LYRM4: variants seen among roughly 807,000 people sequenced by gnomAD.
LYRM4 encodes the protein LYR motif-containing protein 4.
A neutral mutation model predicts 11.7 loss-of-function variants in LYRM4; 9 were observed. That is an observed-to-expected ratio of 0.77 (90% CI 0.46 to 1.34). The LOEUF is 1.34. LYRM4 is among the 40% of genes most tolerant of loss of function. LYRM4 has a pLI of 0.00. For missense variants in LYRM4, 133 were observed against 112.5 expected (o/e 1.18, Z -0.82); for synonymous variants, 42 against 40.4 (o/e 1.04, Z -0.15).
chr6:5,035,401 G>C, the LYRM4 span, among the ~76,000 whole-genome samples: 3 of 151,424 alleles, frequency 2.0e-5, no homozygotes, highest in African/African-American at 2.4e-5. Context: ...TAGGGCAGCT[G>C]AAAATCTTTT....
At chr6:5,108,251 G>T (rs460111), downstream of LYRM4, 31,492 of 159,364 alleles carry the variant, frequency 0.2, 3,527 homozygotes, top group African/African-American at 0.3. Context: ...GCTATTTATA[G>T]GAGCCTGTTC....
intron 2 of LYRM4, among the ~76,000 whole-genome samples, chr6:5,122,304 T>C (rs1330737237): frequency 6.6e-6 from 1 of 152,086 alleles, no homozygotes; most frequent in African/African-American, 2.4e-5. Flanking sequence ...CTTTGTGGGC[T>C]TCCAGATGGC....
At chr6:5,167,564 C>T (rs1033495817) in intron 2 of LYRM4, among the ~76,000 whole-genome samples, 17 of 152,170 alleles carry the variant, frequency 1.1e-4, no homozygotes, top group South Asian at 2.1e-4. Context: ...GTGCTGGGCA[C>T]GCAACATAAA....
chr6:5,116,655 A>G (rs1236579151), intron 2 of LYRM4, among the ~76,000 whole-genome samples: 1 of 152,178 alleles, frequency 6.6e-6, no homozygotes, highest in Non-Finnish European at 1.5e-5. Context: ...ACATCAGACT[A>G]TTACTGTGCA....
At chr6:5,133,381 A>G (rs9504341) in intron 2 of LYRM4, among the ~76,000 whole-genome samples, 2,124 of 152,366 alleles carry the variant, frequency 0.014, 33 homozygotes, top group South Asian at 0.089. Context: ...TTTAGAATAC[A>G]GAAGCAAACT....
chr6:5,142,285 G>A (rs956400333), intron 2 of LYRM4, among the ~76,000 whole-genome samples: 4 of 152,132 alleles, frequency 2.6e-5, no homozygotes, highest in Non-Finnish European at 5.9e-5. Flanking sequence ...ATGTTGTGAG[G>A]AAGCCCAGGT....
chr6:5,215,246 CT>C (rs1237707554), intron 2 of LYRM4, among the ~76,000 whole-genome samples: 4 of 152,212 alleles, frequency 2.6e-5, no homozygotes, highest in African/African-American at 9.6e-5. Flanking sequence ...CAAAATCTTT[CT>C]GAGTTTATGC....
At chr6:5,069,008 C>T in the LYRM4 span, among the ~76,000 whole-genome samples, 1 of 152,064 alleles carries the variant, frequency 6.6e-6, no homozygotes, top group Non-Finnish European at 1.5e-5. Context: ...GAGACTCAAC[C>T]TAGATCCTCT....
chr6:5,078,588 C>A, the LYRM4 span, among the ~76,000 whole-genome samples: 2 of 152,176 alleles, frequency 1.3e-5, no homozygotes, highest in Admixed American at 6.5e-5. Context: ...TTATTTAAAT[C>A]TCCCTGGCTT....
chr6:5,085,723 T>C, the LYRM4 span: 2 of 1,545,670 alleles, frequency 1.3e-6, no homozygotes, highest in Non-Finnish European at 1.7e-6. Context: ...CCGCCGCCGC[T>C]GCCGCGCGCG....
chr6:5,124,065 G>T lies in LYRM4; in HGVS notation c.208-14574C>A, dbSNP rs973983719. 4.6e-5 allele frequency among the ~76,000 whole-genome samples: 7 copies of T among 152,096 alleles called. 1 individual carries two copies. The East Asian group carries it at 1.4e-3, about 29-fold the overall frequency. ...GCTCTCCCAGGGCCGTGGAGAGGGC[G>T]GGCACACGCTCTCTCTTAGCAAGCT... On this transcript the variant is annotated intron_variant, in intron 2 of 2. Coordinates refer to ENST00000330636, the MANE Select transcript of LYRM4 (RefSeq NM_020408.6).
At chr6:5,075,264 A>G in the LYRM4 span, among the ~76,000 whole-genome samples, 18 of 152,346 alleles carry the variant, frequency 1.2e-4, no homozygotes, top group South Asian at 3.7e-3. Context: ...ACTTTGCTCA[A>G]ACAAAATCCT....
chr6:5,166,608 A>T (rs959287964), intron 2 of LYRM4, among the ~76,000 whole-genome samples: 3 of 152,220 alleles, frequency 2.0e-5, no homozygotes, highest in Non-Finnish European at 4.4e-5. Context: ...AAAATAACCC[A>T]CGTTGGGATG....
chr6:5,221,252 C>T (rs1470552385), intron 1 of LYRM4, among the ~76,000 whole-genome samples: 2 of 152,218 alleles, frequency 1.3e-5, no homozygotes, highest in African/African-American at 4.8e-5. Flanking sequence ...GTAATTGCAT[C>T]TGTCAAAGGT....
intron 2 of LYRM4, among the ~76,000 whole-genome samples, chr6:5,162,085 G>A (rs1034135313): frequency 2.0e-5 from 3 of 152,100 alleles, no homozygotes; most frequent in Non-Finnish European, 4.4e-5. Flanking sequence ...AGCCTAACAG[G>A]GTTGCTCAGG....
At chr6:5,055,566 A>G in the LYRM4 span, among the ~76,000 whole-genome samples, 33,431 of 152,026 alleles carry the variant, frequency 0.22, 6,117 homozygotes, top group African/African-American at 0.51. This position sits in a 1 kb window ranked among gnomAD's most constrained non-coding sequence, Gnocchi z 4.5. Context: ...ATGCTACCTA[A>G]TATCTGTCCC....
chr6:5,152,518 T>C (rs1561833381), intron 2 of LYRM4, among the ~76,000 whole-genome samples: 1 of 152,016 alleles, frequency 6.6e-6, no homozygotes, highest in African/African-American at 2.4e-5. Context: ...TTGGTGAAAA[T>C]GTCCAGTCAG....
chr6:5,042,452 C>T, the LYRM4 span: 1 of 152,576 alleles, frequency 6.6e-6, no homozygotes, highest in Non-Finnish European at 1.5e-5. Context: ...CCTTCAACAA[C>T]CTTTCAGCAC....
intron 2 of LYRM4, among the ~76,000 whole-genome samples, chr6:5,213,414 G>T (rs1762087688): frequency 6.6e-6 from 1 of 152,232 alleles, no homozygotes; most frequent in South Asian, 2.1e-4. Context: ...AGGGTGAGCA[G>T]GTAAGTGTTG....
Sources: gnomAD v4.1 joint callset for allele counts (sites outside exome capture counted in the v4.1 genomes callset) on GRCh38, gnomAD v4.1.1 for gene constraint, Gnocchi (gnomAD v3.1) non-coding constraint, MANE v1.5 for transcripts, NCBI Gene and HGNC (gene_info 2026-07-23, HGNC 2026-07-21) for gene names.